COL28A1: variants seen among roughly 807,000 people sequenced by gnomAD.
COL28A1 encodes the protein collagen alpha-1(XXVIII) chain.
COL28A1 carries 161 observed loss-of-function variants against 150.2 expected under a neutral mutation model. The observed-to-expected ratio is 1.07, with a 90% confidence interval of 0.94 to 1.22. The LOEUF (loss-of-function observed/expected upper bound fraction) is 1.22. COL28A1 is among the 50% of genes most tolerant of loss of function. COL28A1 has a pLI of 0.00. For synonymous variants in COL28A1, 552 were observed against 469.7 expected, an observed-to-expected ratio of 1.18 and a Z score of -2.26; for missense variants, 1,617 against 1,388.3, an observed-to-expected ratio of 1.16 and a Z score of -2.62.
At chr7:7,481,404 T>C (rs1002916304) in intron 13 of COL28A1, among the ~76,000 whole-genome samples, 2 of 152,248 alleles carry the variant, frequency 1.3e-5, no homozygotes, top group African/African-American at 4.8e-5. Context: ...ACGATGATCA[T>C]TAGCCAGAGA....
At chr7:7,460,937 G>A (rs933504644) in intron 15 of COL28A1, among the ~76,000 whole-genome samples, 1 of 152,138 alleles carries the variant, frequency 6.6e-6, no homozygotes, top group Non-Finnish European at 1.5e-5. Flanking sequence ...CACTCGGATG[G>A]AAAGAACAGC....
chr7:7,454,558 G>T (rs1383807291), intron 16 of COL28A1, among the ~76,000 whole-genome samples: 1 of 151,548 alleles, frequency 6.6e-6, no homozygotes, highest in Non-Finnish European at 1.5e-5. Flanking sequence ...CTTTTGTTTT[G>T]TTTTTTTTCC....
At chr7:7,442,297 G>T (rs375703913) in intron 20 of COL28A1, among the ~76,000 whole-genome samples, 11 of 152,238 alleles carry the variant, frequency 7.2e-5, no homozygotes, top group African/African-American at 2.6e-4. Context: ...TAGAGTTGTT[G>T]TTCTCCAGCT....
In COL28A1 at chr7:7,489,578, A is replaced by G. The variant is rs111251973; in HGVS notation, c.1096-121T>C. On this transcript the variant is annotated intron_variant, in intron 12 of 34. Coordinates refer to ENST00000399429, the MANE Select transcript of COL28A1 (RefSeq NM_001037763.3). ...CGAAATAGACAAAATGTTGGTTTTC[A>G]TAAAGGTAAAAAATTCTAGAGGAAG... 1,283 of 672,484 alleles carry G rather than the reference A, an allele frequency of 1.9e-3. 16 individuals carry two copies. The African/African-American group carries it at 0.021, about 11-fold the overall frequency. 41.7% of individuals were successfully genotyped at this position (672,484 alleles called of 1,614,324 possible).
intron 14 of COL28A1, among the ~76,000 whole-genome samples, chr7:7,475,309 T>G (rs1220691695): frequency 6.6e-6 from 1 of 152,202 alleles, no homozygotes; most frequent in African/African-American, 2.4e-5. Flanking sequence ...TTTAATAAAT[T>G]TATTAGAACC....
intron 5 of COL28A1, among the ~76,000 whole-genome samples, chr7:7,520,612 C>G (rs17168444): frequency 0.022 from 3,309 of 152,216 alleles, 139 homozygotes; most frequent in African/African-American, 0.076. Context: ...AATCCTGTTC[C>G]AGAAAAGCAT....
intron 25 of COL28A1, among the ~76,000 whole-genome samples, chr7:7,429,873 C>T (rs566075881): frequency 7.9e-5 from 12 of 152,222 alleles, no homozygotes; most frequent in African/African-American, 2.2e-4. Context: ...CTCAGCCTTC[C>T]GCGTGGGCTC....
In COL28A1 at chr7:7,531,540, G is replaced by A. The variant is rs780689441; in HGVS notation, c.489C>T (p.Ile163=). The change falls in exon 3 of 35, where the codon ATC becomes ATT. Residue 163 remains isoleucine, a synonymous_variant. Transcript: ENST00000399429. ...GAACATCTGGATTCTTTGGATGGTC[G>A]ATGCCATCAGTCATCAGCAAAACCA... The part of the protein sequence containing the change: ...VKVVLLMTDG[I]DHPKNPDVQS... The A allele has an allele frequency of 2.9e-5, 47 of 1,609,654 alleles. No individual in the cohort carries two copies. The South Asian group carries it at 4.4e-4, about 15-fold the overall frequency.
chr7:7,378,727 CTT>C (rs1781703283), intron 30 of COL28A1, among the ~76,000 whole-genome samples: 1 of 152,138 alleles, frequency 6.6e-6, no homozygotes, highest in Non-Finnish European at 1.5e-5. Context: ...AGCTAGATGA[CTT>C]TGGGCGTAAT....
At chr7:7,489,290 G>A in intron 13 of COL28A1, 99 bp downstream of exon 13, 1 of 745,230 alleles carries the variant, frequency 1.3e-6, no homozygotes, top group Non-Finnish European at 2.4e-6. Context: ...AAATAAAATA[G>A]ATACAAGGTG....
At chr7:7,448,819 T>C (rs535188067) in intron 18 of COL28A1, among the ~76,000 whole-genome samples, 1 of 152,202 alleles carries the variant, frequency 6.6e-6, no homozygotes, top group East Asian at 1.9e-4. Context: ...GGATCTTAGA[T>C]TTTGCTGCAT....
At position 7,393,954 on chromosome 7, in the gene COL28A1, C is replaced by T. The variant is rs376071296; in HGVS notation, c.2137-12342G>A. Among the ~76,000 whole-genome samples, 15 of 145,446 alleles carry T rather than the reference C, an allele frequency of 1.0e-4. No homozygotes were observed. The South Asian group carries it at 2.1e-3, about 20-fold the overall frequency. Reference sequence around the variant, plus strand: ...GGAGTGAACAGTTCTGTCTCGCTGGCGTTCCATGTGCCACTGGGGTATGAA... The same window carrying T: ...GGAGTGAACAGTTCTGTCTCGCTGGTGTTCCATGTGCCACTGGGGTATGAA... On this transcript the variant is annotated intron_variant, in intron 27 of 34. Transcript: ENST00000399429.
chr7:7,365,485 T>C (rs1220096209), intron 33 of COL28A1, among the ~76,000 whole-genome samples: 1 of 152,110 alleles, frequency 6.6e-6, no homozygotes, highest in Non-Finnish European at 1.5e-5. Flanking sequence ...CTTTCAGCCT[T>C]TGAGCTGATC....
intron 23 of COL28A1, among the ~76,000 whole-genome samples, chr7:7,435,585 A>G (rs1785282158): frequency 6.6e-6 from 1 of 152,152 alleles, no homozygotes; most frequent in Non-Finnish European, 1.5e-5. Context: ...TTCTCCCTTT[A>G]CCTTTAAAAA....
chr7:7,496,169 T>C (rs1251542260), intron 11 of COL28A1, among the ~76,000 whole-genome samples: 1 of 152,228 alleles, frequency 6.6e-6, no homozygotes, highest in Admixed American at 6.5e-5. Context: ...GTTTTCCTTT[T>C]TTTTCTGAGC....
At chr7:7,400,715 C>T (rs1312971028) in intron 27 of COL28A1, among the ~76,000 whole-genome samples, 2 of 151,586 alleles carry the variant, frequency 1.3e-5, no homozygotes, top group African/African-American at 4.8e-5. Flanking sequence ...CTTAATCACA[C>T]ATATTACTTC....
chr7:7,417,843 A>C lies in COL28A1; in HGVS notation c.2136+16T>G. ...GTGAAATCAGAGGTGACTCCAGCAC[A>C]ACCCTATTCACTTACTTTAATTCCC... is the stretch of plus-strand genomic sequence containing the variant. On this transcript the variant is annotated intron_variant, in intron 27 of 34. Coordinates refer to ENST00000399429, the MANE Select transcript of COL28A1 (RefSeq NM_001037763.3). 6.2e-7 allele frequency: 1 copy of C among 1,610,162 alleles called. No individual in the cohort carries two copies. Among genetic ancestry groups the C allele is most frequent in the South Asian group, 1.1e-5 (1 of 90,796 alleles).
chr7:7,369,806 C>T (rs1184598732), intron 33 of COL28A1, among the ~76,000 whole-genome samples: 3 of 152,150 alleles, frequency 2.0e-5, no homozygotes, highest in Non-Finnish European at 2.9e-5. Flanking sequence ...TGTTAGAACA[C>T]TGTTGCACAT....
chr7:7,341,854 A>AAT, the COL28A1 span, among the ~76,000 whole-genome samples: 1 of 152,080 alleles, frequency 6.6e-6, no homozygotes, highest in African/African-American at 2.4e-5. Context: ...ATGGACCAGT[A>AAT]TATGGTCCAT....
Sources: gnomAD v4.1 joint callset for allele counts (sites outside exome capture counted in the v4.1 genomes callset) on GRCh38, gnomAD v4.1.1 for gene constraint, MANE v1.5 for transcripts, NCBI Gene and HGNC (gene_info 2026-07-23, HGNC 2026-07-21) for gene names.